BCAS3: variants seen among roughly 807,000 people sequenced by gnomAD.
BCAS3 encodes BCAS3 microtubule associated cell migration factor, also known as BCAS4/BCAS3 fusion.
A neutral mutation model predicts 116.1 loss-of-function variants in BCAS3; 53 were observed. That is an observed-to-expected ratio of 0.46 (90% confidence interval 0.37 to 0.57). BCAS3 has a LOEUF of 0.57. Among genes scored for constraint, BCAS3 ranks in the 20% least tolerant of loss-of-function variants. The pLI, the probability that BCAS3 is intolerant of heterozygous loss-of-function variation, is 0.00. For synonymous variants in BCAS3, 391 were observed against 408.2 expected, an observed-to-expected ratio of 0.96 and a Z score of 0.51; for missense variants, 917 against 1,165.4, an observed-to-expected ratio of 0.79 and a Z score of 3.10.
chr17:60,905,008 C>T (rs2058112854), intron 11 of BCAS3, among the ~76,000 whole-genome samples: 1 of 152,106 alleles, frequency 6.6e-6, no homozygotes, highest in South Asian at 2.1e-4. Context: ...AATACTAAAA[C>T]TTTAGAAGAG....
chr17:61,366,801 G>A lies in BCAS3; in HGVS notation c.2426-1526G>A, dbSNP rs867945852. Among the ~76,000 whole-genome samples, 4 of 152,210 alleles carry A rather than the reference G, an allele frequency of 2.6e-5. No individual in the cohort carries two copies. The highest frequency in any genetic ancestry group is 7.2e-5 in the African/African-American group (3 of 41,454). ...AGGAATCTTCCCTACAATTAGGTAC[G>A]AGATAAATCAAAGCCAAACTTGGCT... On this transcript the variant is annotated intron_variant, in intron 22 of 23. Transcript: ENST00000407086. This position sits in a 1 kb window ranked among gnomAD's most constrained non-coding sequence, Gnocchi z 4.5.
intron 7 of BCAS3, among the ~76,000 whole-genome samples, chr17:60,816,562 C>T (rs1028041625): frequency 1.4e-4 from 21 of 152,254 alleles, no homozygotes; most frequent in South Asian, 2.1e-4. Context: ...CGTGCACTAC[C>T]GCGGCTGGCC....
At chr17:61,079,760 T>C (rs1601056273) in intron 21 of BCAS3, among the ~76,000 whole-genome samples, 2 of 152,094 alleles carry the variant, frequency 1.3e-5, no homozygotes, top group South Asian at 2.1e-4. Flanking sequence ...CAGACCCAGC[T>C]AATTTTTGTA....
rs184051009 is a variant in BCAS3 at position 61,324,656 on chromosome 17, G to C, written c.2426-43671G>C. Among the ~76,000 whole-genome samples, 2 of 152,254 alleles carry C rather than the reference G, an allele frequency of 1.3e-5. No individual in the cohort carries two copies. The highest frequency in any genetic ancestry group is 1.3e-4 in the Admixed American group (2 of 15,288). ...CAGCCCTGCCAGCCACTAGCTGTTT[G>C]ACCTTGGCTGAGTCATTTCCTCTCC... On this transcript the variant is annotated intron_variant, in intron 22 of 23. Coordinates refer to ENST00000407086, the MANE Select transcript of BCAS3 (RefSeq NM_017679.5). This position sits in a 1 kb window ranked among gnomAD's most constrained non-coding sequence, Gnocchi z 4.6.
intron 3 of BCAS3, among the ~76,000 whole-genome samples, chr17:60,686,715 G>A (rs1387570790): frequency 2.0e-5 from 3 of 151,982 alleles, no homozygotes; most frequent in African/African-American, 4.8e-5. Flanking sequence ...TAGTAGAAAC[G>A]GGGTTTCACC....
chr17:61,163,243 T>C (rs1288719837), intron 22 of BCAS3, among the ~76,000 whole-genome samples: 5 of 151,886 alleles, frequency 3.3e-5, no homozygotes, highest in Non-Finnish European at 5.9e-5. Flanking sequence ...GCTAACACGG[T>C]GAAACCCAGT....
intron 4 of BCAS3, among the ~76,000 whole-genome samples, chr17:60,707,512 A>G (rs2037323358): frequency 6.6e-6 from 1 of 152,132 alleles, no homozygotes; most frequent in African/African-American, 2.4e-5. Flanking sequence ...CAATCTTTAC[A>G]TCATTTATTT....
In BCAS3 at chr17:61,156,481, T is replaced by C. The variant is rs55645467; in HGVS notation, c.2425+71917T>C. 3.9e-3 allele frequency among the ~76,000 whole-genome samples: 593 copies of C among 152,286 alleles called. 5 individuals carry two copies. The highest frequency in any genetic ancestry group is 0.014 in the African/African-American group (567 of 41,554). On this transcript the variant is annotated intron_variant, in intron 22 of 23. Transcript: ENST00000407086. This position sits in a 1 kb window ranked among gnomAD's most constrained non-coding sequence, Gnocchi z 4.7. Reference sequence around the variant, plus strand: ...TGTGGAGGATCCTGTTTTCCTTGAGTGTCCTTACCTGAAATGGTCTCTTTG... The same window carrying C: ...TGTGGAGGATCCTGTTTTCCTTGAGCGTCCTTACCTGAAATGGTCTCTTTG...
At position 61,081,230 on chromosome 17, in the gene BCAS3, T is replaced by C. The variant is rs114146058; in HGVS notation, c.2327+2701T>C. Among the ~76,000 whole-genome samples, 871 of 152,338 alleles carry C rather than the reference T, an allele frequency of 5.7e-3. 13 individuals carry two copies. The highest frequency in any genetic ancestry group is 0.02 in the African/African-American group (826 of 41,588). ...GCACAAGACACTGTCTCATTTTTTT[T>C]CTAGTGATTGACCAGCTGCTATTTA... is the stretch of plus-strand genomic sequence containing the variant. On this transcript the variant is annotated intron_variant, in intron 21 of 23. Transcript: ENST00000407086.
intron 22 of BCAS3, among the ~76,000 whole-genome samples, chr17:61,157,246 C>T (rs1296084842): frequency 6.6e-6 from 1 of 152,132 alleles, no homozygotes; most frequent in Non-Finnish European, 1.5e-5. Flanking sequence ...CTTGAGACTC[C>T]AAAGATATAT....
At chr17:60,918,084 C>G (rs912341117) in intron 12 of BCAS3, among the ~76,000 whole-genome samples, 1 of 152,124 alleles carries the variant, frequency 6.6e-6, no homozygotes, top group Non-Finnish European at 1.5e-5. Flanking sequence ...AAATTCCCAC[C>G]AGTGAACGTC....
Position 61,039,588 on chromosome 17 carries a change from A to G in BCAS3, c.1929-1204A>G, listed in dbSNP as rs192229848. Among the ~76,000 whole-genome samples, 19 of 152,074 alleles carry G rather than the reference A, an allele frequency of 1.2e-4. No individual in the cohort carries two copies. The East Asian group carries it at 3.5e-3, about 28-fold the overall frequency. ...CAGGCACTAGCCACCACGCCAGCTAATTTTTTGTATTTTTACTAGAGACAG... is the reference window on the plus strand; with the variant it reads ...CAGGCACTAGCCACCACGCCAGCTAGTTTTTTGTATTTTTACTAGAGACAG... On this transcript the variant is annotated intron_variant, in intron 18 of 23. Coordinates refer to ENST00000407086, the MANE Select transcript of BCAS3 (RefSeq NM_017679.5).
intron 19 of BCAS3, among the ~76,000 whole-genome samples, chr17:61,071,223 C>A (rs928613711): frequency 6.6e-6 from 1 of 152,172 alleles, no homozygotes; most frequent in South Asian, 2.1e-4. Context: ...TTATAGCTAA[C>A]TTAATCTCAT....
chr17:61,191,780 A>AAAAAGAAAAGAAAAGAAAAG lies in BCAS3; in HGVS notation c.2425+107226_2425+107245dup, dbSNP rs59158121. Among the ~76,000 whole-genome samples, 832 of 145,698 alleles carry AAAAAGAAAAGAAAAGAAAAG rather than the reference A, an allele frequency of 5.7e-3. 16 individuals carry two copies. The highest frequency in any genetic ancestry group is 0.02 in the African/African-American group (779 of 38,832). Reference sequence around the variant, plus strand: ...ACAGAGTGAGACTCCGTCTCAAAAAAAAAAGAAAAGAAAAGAAAAGAAAAG... The same window carrying AAAAAGAAAAGAAAAGAAAAG: ...ACAGAGTGAGACTCCGTCTCAAAAAAAAAAGAAAAGAAAAGAAAAGAAAAGAAAAGAAAAGAAAAGAAAAG... On this transcript the variant is annotated intron_variant, in intron 22 of 23. Coordinates refer to ENST00000407086, the MANE Select transcript of BCAS3 (RefSeq NM_017679.5).
chr17:60,772,220 GT>G (rs1319950681), intron 6 of BCAS3, among the ~76,000 whole-genome samples: 1 of 152,110 alleles, frequency 6.6e-6, no homozygotes, highest in African/African-American at 2.4e-5. Flanking sequence ...AGCACCTGTT[GT>G]TTCCTGACTT....
rs1220817101 is a variant in BCAS3, at chr17:61,041,096, TATGAAATATA to T, written c.2029+205_2029+214del. 6.6e-6 allele frequency among the ~76,000 whole-genome samples: 1 copy of T among 152,310 alleles called. No individual in the cohort carries two copies. The highest frequency in any genetic ancestry group is 1.9e-4 in the East Asian group (1 of 5,194). On this transcript the variant is annotated intron_variant, in intron 19 of 23. Coordinates refer to ENST00000407086, the MANE Select transcript of BCAS3 (RefSeq NM_017679.5). This position sits in a 1 kb window ranked among gnomAD's most constrained non-coding sequence, Gnocchi z 4.7. ...TCTCTGACTGCTTATATTCTTTACCTATGAAATATATTTCTGTAATAAAAGTTAAGTTGAT... is the reference window on the plus strand; with the variant it reads ...TCTCTGACTGCTTATATTCTTTACCTTTTCTGTAATAAAAGTTAAGTTGAT...
chr17:61,230,129 A>C (rs1299411342), intron 22 of BCAS3, among the ~76,000 whole-genome samples: 1 of 123,210 alleles, frequency 8.1e-6, no homozygotes, highest in Admixed American at 9.0e-5. Context: ...TGTCTCAAAA[A>C]AAAGTGTGTG....
chr17:61,163,435 A>AG (rs1299588200), intron 22 of BCAS3, among the ~76,000 whole-genome samples: 26 of 151,884 alleles, frequency 1.7e-4, no homozygotes, highest in African/African-American at 6.3e-4. Context: ...GAAAGGAAAA[A>AG]AAAAAAAAAA....
intron 22 of BCAS3, among the ~76,000 whole-genome samples, chr17:61,178,259 A>T (rs948227291): frequency 2.6e-5 from 4 of 152,112 alleles, no homozygotes; most frequent in African/African-American, 7.2e-5. Flanking sequence ...CCTTAGACAT[A>T]AAAAAGAAGA....
Sources: allele counts gnomAD v4.1 joint callset (sites outside exome capture counted in the v4.1 genomes callset), GRCh38; gene constraint gnomAD v4.1.1; non-coding constraint Gnocchi (gnomAD v3.1); transcripts MANE v1.5; gene names NCBI Gene and HGNC (gene_info 2026-07-23, HGNC 2026-07-21).